Variants in VGLL3 observed in about 807,000 individuals in gnomAD.
VGLL3 encodes the protein vestigial like family member 3.
In VGLL3, 18 loss-of-function variants were observed where a neutral mutation model predicts 29.2. The ratio of observed to expected loss-of-function variants is 0.62; its 90% CI spans 0.43 to 0.91. The LOEUF (loss-of-function observed/expected upper bound fraction) is 0.91, where lower values mean the gene tolerates loss of function less well. VGLL3 is among the 40% of genes least tolerant of loss of function. The probability of loss-of-function intolerance (pLI) is 0.00; values close to 1 mark genes in which losing one functional copy is unlikely to be tolerated. For synonymous variants in VGLL3, 180 were observed against 151.8 expected (o/e 1.19, Z -1.36); for missense variants, 440 against 413.2 (o/e 1.06, Z -0.56).
chr3:86,988,640 CAAAAAAAAAAAAAAAAAAAAAAAA>C (rs869098443), intron 1 of VGLL3, among the ~76,000 whole-genome samples: 29 of 13,754 alleles, frequency 2.1e-3, no homozygotes, highest in Non-Finnish European at 6.6e-3. Flanking sequence ...TTTACTTGAC[CAAAAAAAAAAAAAAAAAAAAAAAA>C]AAAAAAAAAA....
chr3:86,955,318 T>C (rs994462184), intron 3 of VGLL3, among the ~76,000 whole-genome samples: 4 of 152,132 alleles, frequency 2.6e-5, no homozygotes, highest in Non-Finnish European at 5.9e-5. Flanking sequence ...TAGAATGAGA[T>C]ATGTTGCATA....
At chr3:86,950,148 T>TC (rs1238050821) in intron 3 of VGLL3, among the ~76,000 whole-genome samples, 1 of 152,206 alleles carries the variant, frequency 6.6e-6, no homozygotes, top group Non-Finnish European at 1.5e-5. Flanking sequence ...TCCTGAGATT[T>TC]CCCCACTGGC....
intron 3 of VGLL3, among the ~76,000 whole-genome samples, chr3:86,958,593 T>C (rs1704775161): frequency 6.6e-6 from 1 of 152,196 alleles, no homozygotes; most frequent in Non-Finnish European, 1.5e-5. Flanking sequence ...ATGGGCATGA[T>C]AGCTACATGG....
intron 1 of VGLL3, among the ~76,000 whole-genome samples, chr3:86,982,739 A>C (rs1705352755): frequency 6.6e-6 from 1 of 152,206 alleles, no homozygotes; most frequent in Admixed American, 6.5e-5. Flanking sequence ...GACCCTGCAG[A>C]AATTTTAACA....
In VGLL3 at chr3:86,944,424, T is replaced by A. The variant is rs1704463409; in HGVS notation, c.*2600A>T. On this transcript the variant is annotated 3_prime_UTR_variant, in exon 4 of 4. Transcript: ENST00000398399. The stretch of plus-strand genomic sequence containing the variant: ...CAATGCCCAGGTAATTTTTCAGAAA[T>A]TTTTTGTAGGGATAGGGTCTCCCTA... 1 of 152,292 alleles carries A rather than the reference T, an allele frequency of 6.6e-6. No individual in the cohort carries two copies. Among genetic ancestry groups the A allele is most frequent in the Non-Finnish European group, 1.5e-5 (1 of 68,170 alleles). The allele number at this position is 152,292 out of a possible 1,614,324, so 9.4% of individuals were successfully genotyped here. A position where few individuals can be genotyped will look rare whatever the true frequency, so the allele number is the denominator to read the frequency against.
At position 86,990,647 on chromosome 3, in the gene VGLL3, A is replaced by G; in HGVS notation, c.97T>C (p.Tyr33His). The G allele has an allele frequency of 7.2e-7, 1 of 1,387,402 alleles. No individual in the cohort carries two copies. Among genetic ancestry groups the G allele is most frequent in the Non-Finnish European group, 9.4e-7 (1 of 1,065,118 alleles). The allele number at this position is 1,387,402 out of a possible 1,614,324, so 85.9% of individuals were successfully genotyped here. The change falls in exon 1 of 4, where the codon TAT becomes CAT. Residue 33 changes from tyrosine to histidine, a missense_variant. Tyr to His is a moderately conservative substitution (Grantham distance 83, BLOSUM62 2). Transcript: ENST00000398399. ...TGGCCAGGTTGGGGCGCCGGCTGATAGTAGGCTGTGGGGCAGGTTGTCGCT... is the reference window on the plus strand; with the variant it reads ...TGGCCAGGTTGGGGCGCCGGCTGATGGTAGGCTGTGGGGCAGGTTGTCGCT... Reference protein sequence around the residue: ...MAATTCPTAYYQPAPQPGQQK... With the variant: ...MAATTCPTAYHQPAPQPGQQK...
At chr3:86,989,745 T>C (rs1366440369) in intron 1 of VGLL3, among the ~76,000 whole-genome samples, 3 of 152,168 alleles carry the variant, frequency 2.0e-5, no homozygotes, top group East Asian at 3.9e-4. Context: ...CCTTGCCACA[T>C]ACATTTTTTA....
intron 3 of VGLL3, among the ~76,000 whole-genome samples, chr3:86,952,800 A>T (rs1704642164): frequency 6.6e-6 from 1 of 152,204 alleles, no homozygotes; most frequent in Non-Finnish European, 1.5e-5. Context: ...CTACATCAAA[A>T]TATCCAAACT....
intron 3 of VGLL3, among the ~76,000 whole-genome samples, chr3:86,968,031 C>T (rs1705000503): frequency 6.6e-6 from 1 of 151,466 alleles, no homozygotes; most frequent in South Asian, 2.1e-4. Flanking sequence ...GAAGGAAAGG[C>T]AAAGGAGGAT....
chr3:86,962,566 A>C, intron 3 of VGLL3: 1 of 968,552 alleles, frequency 1.0e-6, no homozygotes, highest in Middle Eastern at 5.3e-4. Context: ...AAAAACAAAA[A>C]TTTAAATTTA....
chr3:86,961,788 AGTT>A, intron 3 of VGLL3: 1 of 395,292 alleles, frequency 2.5e-6, no homozygotes, highest in Non-Finnish European at 3.4e-6. Context: ...CATTCACAAA[AGTT>A]GAAAACTATG....
intron 2 of VGLL3, among the ~76,000 whole-genome samples, chr3:86,978,183 A>C (rs1705248025): frequency 6.6e-6 from 1 of 152,160 alleles, no homozygotes; most frequent in Non-Finnish European, 1.5e-5. Flanking sequence ...TAATTTTTTA[A>C]AAGCTGATTT....
At chr3:86,948,249 G>A (rs945254158) in intron 3 of VGLL3, among the ~76,000 whole-genome samples, 1 of 152,094 alleles carries the variant, frequency 6.6e-6, no homozygotes, top group African/African-American at 2.4e-5. Flanking sequence ...AGTTGCTGTT[G>A]TGTGGGTGCA....
chr3:86,980,098 T>G (rs1226454865), intron 1 of VGLL3, among the ~76,000 whole-genome samples: 2 of 151,900 alleles, frequency 1.3e-5, no homozygotes, highest in East Asian at 3.8e-4. Flanking sequence ...GTCATCTTTA[T>G]GTCTGCAAAA....
chr3:86,956,687 A>G (rs1197691904), intron 3 of VGLL3, among the ~76,000 whole-genome samples: 1 of 149,436 alleles, frequency 6.7e-6, no homozygotes, highest in Non-Finnish European at 1.5e-5. Flanking sequence ...CAGGAGGCTG[A>G]GGCAGGAGAA....
intron 3 of VGLL3, among the ~76,000 whole-genome samples, chr3:86,961,552 C>A (rs1704843781): frequency 6.6e-6 from 1 of 152,232 alleles, no homozygotes; most frequent in Non-Finnish European, 1.5e-5. Flanking sequence ...CTTGCATTCA[C>A]ACGTGAATGC....
At chr3:86,989,138 C>T (rs957761826) in intron 1 of VGLL3, among the ~76,000 whole-genome samples, 10 of 152,104 alleles carry the variant, frequency 6.6e-5, no homozygotes, top group Admixed American at 6.5e-4. Context: ...TTTCACAACC[C>T]TAAAAAATAA....
chr3:86,976,317 C>T (rs1024117602), intron 2 of VGLL3, among the ~76,000 whole-genome samples: 1 of 152,158 alleles, frequency 6.6e-6, no homozygotes, highest in African/African-American at 2.4e-5. Context: ...GCTATCTGCT[C>T]AAACATAACT....
chr3:86,951,635 T>C (rs139464644), intron 3 of VGLL3, among the ~76,000 whole-genome samples: 1 of 152,106 alleles, frequency 6.6e-6, no homozygotes, highest in Non-Finnish European at 1.5e-5. Context: ...TAAAATGCTA[T>C]AGAAATAAGA....
Sources: allele counts gnomAD v4.1 joint callset (sites outside exome capture counted in the v4.1 genomes callset), GRCh38; gene constraint gnomAD v4.1.1; transcripts MANE v1.5; gene names NCBI Gene and HGNC (gene_info 2026-07-23, HGNC 2026-07-21).